PLXNB1: variants seen among roughly 807,000 people sequenced by gnomAD.
The protein encoded by PLXNB1 is plexin-B1.
PLXNB1 carries 106 observed loss-of-function variants against 209.4 expected under a neutral mutation model. The ratio of observed to expected loss-of-function variants is 0.51; its 90% CI spans 0.43 to 0.59. The LOEUF is 0.59. Ranked by LOEUF, PLXNB1 falls within the 20% of genes least tolerant of loss-of-function variation. The pLI is 0.00. For synonymous variants in PLXNB1, 1,167 were observed against 1,183.2 expected (o/e 0.99, Z 0.28); for missense variants, 2,357 against 2,853.2 (o/e 0.83, Z 3.96).
At position 48,416,403 on chromosome 3, in the gene PLXNB1, T is replaced by G; in HGVS notation, c.3423A>C (p.Thr1141=). 2 of 1,613,198 alleles carry G rather than the reference T, an allele frequency of 1.2e-6. No individual in the cohort carries two copies. The highest frequency in any genetic ancestry group is 2.2e-5 in the South Asian group (2 of 91,054). ...GASGEEVAGA[T]AVEVPGRGRG... ...GTCCTCTTCCCGGCACCTCCACCGCTGTGGCGCCGGCCACCTCCTCCCCAC... is the reference window on the plus strand; with the variant it reads ...GTCCTCTTCCCGGCACCTCCACCGCGGTGGCGCCGGCCACCTCCTCCCCAC... Residue 1141 remains threonine (T), a synonymous_variant, in exon 17 of 38, where the codon ACA becomes ACC. Transcript: ENST00000296440. This position sits in a 1 kb window ranked among gnomAD's most constrained non-coding sequence, Gnocchi z 4.1.
chr3:48,407,742 T>C (rs13314659), intron 34 of PLXNB1, among the ~76,000 whole-genome samples: 91,270 of 152,076 alleles, frequency 0.6, 27,503 homozygotes, highest in African/African-American at 0.68. Context: ...CGCGCCTTCT[T>C]GACAACTCCC....
rs1254422488 is a variant in PLXNB1, at chr3:48,405,349, A to T, written c.6303+375T>A. Among the ~76,000 whole-genome samples, 1 of 151,396 alleles carries T rather than the reference A, an allele frequency of 6.6e-6. No homozygotes were observed. The highest frequency in any genetic ancestry group is 2.4e-5 in the African/African-American group (1 of 41,106). On this transcript the variant is annotated intron_variant, in intron 37 of 37. Coordinates refer to ENST00000296440, the MANE Select transcript of PLXNB1 (RefSeq NM_001130082.3). The surrounding 1 kb of genome is among the most constrained non-coding windows in gnomAD (Gnocchi z 5.0). ...CTCACACCCCTGGCCCTGTGCCTGGACTCTCCTCTTCGCAGCTCATGCAGC... is the reference window on the plus strand; with the variant it reads ...CTCACACCCCTGGCCCTGTGCCTGGTCTCTCCTCTTCGCAGCTCATGCAGC...
chr3:48,419,692 G>A lies in PLXNB1; in HGVS notation c.2594C>T (p.Thr865Ile). Residue 865 changes from threonine to isoleucine, a missense_variant, in exon 11 of 38, where the codon ACT becomes ATT. Physicochemically the swap from Thr to Ile is moderately conservative, Grantham distance 89 (BLOSUM62 -1). Coordinates refer to ENST00000296440, the MANE Select transcript of PLXNB1 (RefSeq NM_001130082.3). This position sits in a 1 kb window ranked among gnomAD's most constrained non-coding sequence, Gnocchi z 5.7. Reference sequence around the variant, plus strand: ...TCCATCACCTGAGAGGAGGGTGGAAGTGGAGAAGGCGGGTGCGTCACCCCC... The same window carrying A: ...TCCATCACCTGAGAGGAGGGTGGAAATGGAGAAGGCGGGTGCGTCACCCCC... ...WTGGDAPAFS[T>I]STLLSGDGDS... 1 of 1,612,580 alleles carries A rather than the reference G, an allele frequency of 6.2e-7. No individual in the cohort carries two copies.
rs563573955 is a variant in PLXNB1, at chr3:48,414,387, G to C, written c.4210-316C>G. ...GACTCACCAGGGGGGTGATGATGCT[G>C]TATCAACCTGTGGTCTGCCCGCATG... On this transcript the variant is annotated intron_variant, in intron 21 of 37. Transcript: ENST00000296440. Among the ~76,000 whole-genome samples, 16 of 152,340 alleles carry C rather than the reference G, an allele frequency of 1.1e-4. 1 individual carries two copies. Among genetic ancestry groups the C allele is most frequent in the African/African-American group, 3.1e-4 (13 of 41,568 alleles).
In PLXNB1 at chr3:48,407,265, A is replaced by C. The variant is rs373846756; in HGVS notation, c.6088-174T>G. 3.9e-5 allele frequency among the ~76,000 whole-genome samples: 6 copies of C among 152,046 alleles called. No individual in the cohort carries two copies. In the East Asian group the frequency reaches 9.7e-4, roughly 24 times the overall value. ...CCAGGACAGGTGGTCACCCTCGCCT[A>C]CTTCCTTCCGCAGGAGCCTCTGCTG... On this transcript the variant is annotated intron_variant, in intron 34 of 37. Transcript: ENST00000296440.
rs2038504735 is a variant in PLXNB1 at position 48,421,343 on chromosome 3, C to G, written c.1695G>C (p.Gly565=). ...SVPDLPPLWP[G]ESYSCHFGEH... is the part of the protein sequence containing the mutation. ...CCCCAAAGTGGCAGGAATATGACTC[C>G]CCTGGCCACAGGGGTGGCAGGTCTG... Residue 565 remains glycine (G), a synonymous_variant, in exon 8 of 38, where the codon GGG becomes GGC. Coordinates refer to ENST00000296440, the MANE Select transcript of PLXNB1 (RefSeq NM_001130082.3). 1 of 1,574,040 alleles carries G rather than the reference C, an allele frequency of 6.4e-7. No homozygotes were observed. The highest frequency in any genetic ancestry group is 8.6e-7 in the Non-Finnish European group (1 of 1,156,742).
In PLXNB1 at chr3:48,415,477, C is replaced by G; in HGVS notation, c.3794+106G>C. On this transcript the variant is annotated intron_variant, in intron 19 of 37. Coordinates refer to ENST00000296440, the MANE Select transcript of PLXNB1 (RefSeq NM_001130082.3). This position sits in a 1 kb window ranked among gnomAD's most constrained non-coding sequence, Gnocchi z 5.0. The stretch of plus-strand genomic sequence containing the variant: ...CACGACCCCTTGCCCCTACTAGCAG[C>G]ATGGGATTCTCAGTGCCTCAACATA... The G allele has an allele frequency of 7.1e-7, 1 of 1,410,528 alleles. No individual in the cohort carries two copies. The highest frequency in any genetic ancestry group is 2.1e-5 in the Admixed American group (1 of 48,168). The allele number at this position is 1,410,528 out of a possible 1,614,324, so 87.4% of individuals were successfully genotyped here. A position where few individuals can be genotyped will look rare whatever the true frequency, so the allele number is the denominator to read the frequency against.
Position 48,409,992 on chromosome 3 carries a change from C to T in PLXNB1, c.5691G>A (p.Arg1897=). 3 of 1,612,818 alleles carry T rather than the reference C, an allele frequency of 1.9e-6. No homozygotes were observed. In the South Asian group the frequency reaches 3.3e-5, roughly 18 times the overall value. The change falls in exon 32 of 38, where the codon AGG becomes AGA. Residue 1897 remains arginine, a synonymous_variant. Coordinates refer to ENST00000296440, the MANE Select transcript of PLXNB1 (RefSeq NM_001130082.3). This position sits in a 1 kb window ranked among gnomAD's most constrained non-coding sequence, Gnocchi z 5.8. ...CGCCCCGAAGGCTGCCCCTCCGAGG[C>T]CTGGGCGGCTCCGGCTCATCACTTG... ...VKPSDEPEPP[R]PRRGSLRGGE... is the part of the protein sequence containing the mutation.
Position 48,416,678 on chromosome 3 carries a change from CA to C in PLXNB1, c.3375-228del. On this transcript the variant is annotated intron_variant, in intron 16 of 37. Transcript: ENST00000296440. The surrounding 1 kb of genome is among the most constrained non-coding windows in gnomAD (Gnocchi z 4.1). ...GGCTTCAATCATTTAAGTTCAACCC[CA>C]GGGGCCCCCAATAAGGAAGAATTTA... 1 of 398,732 alleles carries C rather than the reference CA, an allele frequency of 2.5e-6. No homozygotes were observed. The highest frequency in any genetic ancestry group is 4.4e-6 in the Non-Finnish European group (1 of 225,896). 24.7% of individuals were successfully genotyped at this position (398,732 alleles called of 1,614,324 possible).
chr3:48,410,721 G>A lies in PLXNB1; in HGVS notation c.5416+147C>T, dbSNP rs2037624699. The A allele has an allele frequency of 1.0e-6, 1 of 964,990 alleles. No homozygotes were observed. The highest frequency in any genetic ancestry group is 1.5e-6 in the Non-Finnish European group (1 of 645,542). The allele number at this position is 964,990 out of a possible 1,614,324, so 59.8% of individuals were successfully genotyped here. On this transcript the variant is annotated intron_variant, in intron 29 of 37. Transcript: ENST00000296440. The surrounding 1 kb of genome is among the most constrained non-coding windows in gnomAD (Gnocchi z 6.4). ...GGACCCCCTCCCCAGATGAGAGGCT[G>A]TCCAAGAAAGATGTTCCAAAGCCAG...
chr3:48,418,070 A>G lies in PLXNB1; in HGVS notation c.3223-8T>C. On this transcript the variant is annotated splice_polypyrimidine_tract_variant and splice_region_variant and intron_variant, in intron 15 of 37. Coordinates refer to ENST00000296440, the MANE Select transcript of PLXNB1 (RefSeq NM_001130082.3). This position sits in a 1 kb window ranked among gnomAD's most constrained non-coding sequence, Gnocchi z 6.6. Reference sequence around the variant, plus strand: ...CCCAGTCAGTGGCTCCACCTGTTCCAGGACAAGGACTGCTCACCTCTACTC... The same window carrying G: ...CCCAGTCAGTGGCTCCACCTGTTCCGGGACAAGGACTGCTCACCTCTACTC... 1.2e-6 allele frequency: 2 copies of G among 1,611,606 alleles called. No homozygotes were observed. The highest frequency in any genetic ancestry group is 1.7e-6 in the Non-Finnish European group (2 of 1,178,866).
In PLXNB1 at chr3:48,420,940, G is replaced by A. The variant is rs1445702349; in HGVS notation, c.1827C>T (p.Ser609=). The A allele has an allele frequency of 4.3e-6, 7 of 1,613,460 alleles. 1 individual carries two copies. Among genetic ancestry groups the A allele is most frequent in the South Asian group, 3.3e-5 (3 of 91,072 alleles). Residue 609 remains serine, a synonymous_variant, in exon 9 of 38, where the codon AGC becomes AGT. Transcript: ENST00000296440. ...CAACAGCGCCAAATCTGAGCTCCAC[G>A]CTCACGGATACGTAGTCTGCAGAGG... ...LPRGADYVSV[S]VELRFGAVVI... is the part of the protein sequence containing the mutation.
At position 48,413,687 on chromosome 3, in the gene PLXNB1, G is replaced by A; in HGVS notation, c.4518C>T (p.Ile1506=). 6.2e-7 allele frequency: 1 copy of A among 1,613,320 alleles called. No homozygotes were observed. Among genetic ancestry groups the A allele is most frequent in the South Asian group, 1.1e-5 (1 of 91,026 alleles). ...GTSLLALGVI[I]IVLMYRRKSK... ...GCACCCACCTGTACATGAGGACAATGATGATGACACCCAGAGCCAGAAGAG... is the reference window on the plus strand; with the variant it reads ...GCACCCACCTGTACATGAGGACAATAATGATGACACCCAGAGCCAGAAGAG... Residue 1506 remains isoleucine, a synonymous_variant, in exon 23 of 38, where the codon ATC becomes ATT. Transcript: ENST00000296440. The surrounding 1 kb of genome is among the most constrained non-coding windows in gnomAD (Gnocchi z 5.4).
rs749184135 is a variant in PLXNB1, at chr3:48,405,707, G to A, written c.6303+17C>T. Reference sequence around the variant, plus strand: ...GCCTTGGGTCAGCCTCCCAGTCGGGGTCCAGGGCCTGCCCACCTGGTCATA... The same window carrying A: ...GCCTTGGGTCAGCCTCCCAGTCGGGATCCAGGGCCTGCCCACCTGGTCATA... On this transcript the variant is annotated intron_variant, in intron 37 of 37. Coordinates refer to ENST00000296440, the MANE Select transcript of PLXNB1 (RefSeq NM_001130082.3). This position sits in a 1 kb window ranked among gnomAD's most constrained non-coding sequence, Gnocchi z 5.0. The A allele has an allele frequency of 1.7e-5, 28 of 1,607,512 alleles. No individual in the cohort carries two copies. Among genetic ancestry groups the A allele is most frequent in the Non-Finnish European group, 2.1e-5 (25 of 1,175,014 alleles).
In PLXNB1 at chr3:48,409,402, A is replaced by C. The variant is rs1368384219; in HGVS notation, c.6014T>G (p.Met2005Arg). ...TGCAATGACAAGGAGCACCGCATCC[A>C]TGTTATCAGATGTTTGCACGTCGAA... ...FVFDVQTSDN[M>R]DAVLLVIAQT... Residue 2005 changes from methionine to arginine, a missense_variant, in exon 34 of 38, where the codon ATG (methionine) becomes AGG (arginine). Physicochemically the swap from Met to Arg is moderately conservative, Grantham distance 91 (BLOSUM62 -1). This residue lies in a region of PLXNB1 where 414 missense variants were observed against 520.5 expected (regional missense o/e 0.80). Transcript: ENST00000296440. The surrounding 1 kb of genome is among the most constrained non-coding windows in gnomAD (Gnocchi z 5.8). 3.7e-6 allele frequency: 6 copies of C among 1,614,162 alleles called. No individual in the cohort carries two copies. The South Asian group carries it at 6.6e-5, about 18-fold the overall frequency.
Position 48,415,847 on chromosome 3 carries a change from A to G in PLXNB1, c.3618-88T>C, listed in dbSNP as rs1209469962. On this transcript the variant is annotated intron_variant, in intron 18 of 37. Transcript: ENST00000296440. The surrounding 1 kb of genome is among the most constrained non-coding windows in gnomAD (Gnocchi z 5.0). Reference sequence around the variant, plus strand: ...CCCAACTGGCTTCCCTCAAGCGCTGACTGCAGTCTCCACCAGGTGTCCCTG... The same window carrying G: ...CCCAACTGGCTTCCCTCAAGCGCTGGCTGCAGTCTCCACCAGGTGTCCCTG... 6 of 1,389,546 alleles carry G rather than the reference A, an allele frequency of 4.3e-6. No homozygotes were observed. In the East Asian group the frequency reaches 1.5e-4, roughly 35 times the overall value. The allele number at this position is 1,389,546 out of a possible 1,614,324, so 86.1% of individuals were successfully genotyped here. A position where few individuals can be genotyped will look rare whatever the true frequency, so the allele number is the denominator to read the frequency against.
At position 48,424,167 on chromosome 3, in the gene PLXNB1, C is replaced by T. The variant is rs2038744869; in HGVS notation, c.445G>A (p.Ala149Thr). The T allele has an allele frequency of 6.3e-7, 1 of 1,580,538 alleles. No homozygotes were observed. The highest frequency in any genetic ancestry group is 1.3e-5 in the African/African-American group (1 of 74,118). ...DTQYVAANDP[A>T]VSTVGLVAQG... ...GCTACCAGCCCCACCGTGCTGACCG[C>T]AGGATCATTGGCAGCCACATATTGT... Residue 149 changes from alanine to threonine, a missense_variant, in exon 3 of 38, where the codon GCG becomes ACG. Transcript: ENST00000296440.
chr3:48,420,871 G>T lies in PLXNB1; in HGVS notation c.1896C>A (p.Val632=). The T allele has an allele frequency of 6.2e-7, 1 of 1,613,966 alleles. No homozygotes were observed. Among genetic ancestry groups the T allele is most frequent in the South Asian group, 1.1e-5 (1 of 91,058 alleles). ...ACTGCGCAGATGGGCGGAGTTCAGT[G>T]ACCGCCACACAGTCATAGAAAGAGA... The part of the protein sequence containing the change: ...TSLSFYDCVA[V]TELRPSAQCQ... The change falls in exon 9 of 38, where the codon GTC becomes GTA. Residue 632 remains valine (V), a synonymous_variant. Coordinates refer to ENST00000296440, the MANE Select transcript of PLXNB1 (RefSeq NM_001130082.3).
In PLXNB1 at chr3:48,416,712, C is replaced by T. The variant is rs1415798473; in HGVS notation, c.3375-261G>A. The T allele has an allele frequency of 3.0e-6, 1 of 335,440 alleles. No individual in the cohort carries two copies. The highest frequency in any genetic ancestry group is 5.4e-6 in the Non-Finnish European group (1 of 186,068). 20.8% of individuals were successfully genotyped at this position (335,440 alleles called of 1,614,324 possible). ...CCAATAAGGAAGAATTTATCTGTGGCATAAATTTACAAAGGGGCCCTGTCA... is the reference window on the plus strand; with the variant it reads ...CCAATAAGGAAGAATTTATCTGTGGTATAAATTTACAAAGGGGCCCTGTCA... On this transcript the variant is annotated intron_variant, in intron 16 of 37. Transcript: ENST00000296440. The surrounding 1 kb of genome is among the most constrained non-coding windows in gnomAD (Gnocchi z 4.1).
Sources: allele counts gnomAD v4.1 joint callset (sites outside exome capture counted in the v4.1 genomes callset), GRCh38; gene constraint gnomAD v4.1.1; regional missense constraint gnomAD v4.1.1; non-coding constraint Gnocchi (gnomAD v3.1); transcripts MANE v1.5; gene names NCBI Gene and HGNC (gene_info 2026-07-23, HGNC 2026-07-21).